The following TMTC1 variants were observed in gnomAD, a reference collection of about 807,000 sequenced individuals.
TMTC1 encodes the protein transmembrane O-mannosyltransferase targeting cadherins 1, also known as protein O-mannosyl-transferase TMTC1.
In TMTC1, 73 loss-of-function variants were observed where a neutral mutation model predicts 104.8. The observed-to-expected ratio is 0.70, with a 90% confidence interval of 0.58 to 0.85. The LOEUF (loss-of-function observed/expected upper bound fraction) is 0.85, where lower values mean the gene tolerates loss of function less well. TMTC1 is among the 40% of genes least tolerant of loss of function. The pLI is 0.00. For missense variants in TMTC1, 1,035 were observed against 1,096.1 expected, an observed-to-expected ratio of 0.94 and a Z score of 0.79; for synonymous variants, 434 against 428.7, an observed-to-expected ratio of 1.01 and a Z score of -0.15.
intron 1 of TMTC1, among the ~76,000 whole-genome samples, chr12:29,776,497 C>T (rs1409075445): frequency 6.6e-6 from 1 of 152,142 alleles, no homozygotes; most frequent in South Asian, 2.1e-4. Context: ...TGTAGCCTTA[C>T]CTTAGTATTT....
chr12:29,711,131 C>T (rs1269053132), intron 5 of TMTC1, among the ~76,000 whole-genome samples: 1 of 151,428 alleles, frequency 6.6e-6, no homozygotes, highest in African/African-American at 2.4e-5. Flanking sequence ...TATGGGCATG[C>T]ACCACCATGC....
chr12:29,665,168 A>AATTTTC (rs769766678), intron 5 of TMTC1, among the ~76,000 whole-genome samples: 62 of 152,336 alleles, frequency 4.1e-4, no homozygotes, highest in Non-Finnish European at 7.8e-4. Flanking sequence ...AAGAGAAAGG[A>AATTTTC]ATGTCAAGGG....
At chr12:29,672,257 G>C (rs1005185020) in intron 5 of TMTC1, among the ~76,000 whole-genome samples, 2 of 152,160 alleles carry the variant, frequency 1.3e-5, no homozygotes, top group African/African-American at 4.8e-5. Context: ...TCCTGCAGGA[G>C]TACACACAGA....
chr12:29,760,447 G>C (rs1340979813), intron 2 of TMTC1, among the ~76,000 whole-genome samples: 1 of 152,154 alleles, frequency 6.6e-6, no homozygotes, highest in Non-Finnish European at 1.5e-5. Flanking sequence ...CCTAGGGCAT[G>C]AAAGTTTTTG....
At chr12:29,575,562 C>T (rs1342532393) in intron 8 of TMTC1, among the ~76,000 whole-genome samples, 1 of 151,454 alleles carries the variant, frequency 6.6e-6, no homozygotes, top group East Asian at 2.0e-4. Flanking sequence ...AATCCACTGG[C>T]TGGGAGCTTG....
intron 5 of TMTC1, among the ~76,000 whole-genome samples, chr12:29,689,463 G>A (rs563514748): frequency 7.9e-5 from 12 of 152,068 alleles, no homozygotes; most frequent in East Asian, 3.9e-4. Flanking sequence ...ACAGGCGTGC[G>A]CCACCACACC....
chr12:29,666,228 CTTTT>C (rs751968439), intron 5 of TMTC1: 297 of 364,834 alleles, frequency 8.1e-4, no homozygotes, highest in Admixed American at 1.5e-3. Context: ...TTTCTTTTTT[CTTTT>C]TTTTTTTTTT....
rs571740262 is a variant in TMTC1 at position 29,503,215 on chromosome 12, A to G, written c.*3631T>C. 1.3e-5 allele frequency: 2 copies of G among 152,298 alleles called. No homozygotes were observed. The highest frequency in any genetic ancestry group is 1.9e-4 in the East Asian group (1 of 5,176). The allele number at this position is 152,298 out of a possible 1,614,324, so 9.4% of individuals were successfully genotyped here. A position where few individuals can be genotyped will look rare whatever the true frequency, so the allele number is the denominator to read the frequency against. ...AGGAGGTTGGAATTAAAGTGCGACA[A>G]TTCTCTTTGTTTTGTGATAGGCTTT... On this transcript the variant is annotated 3_prime_UTR_variant, in exon 18 of 18. Transcript: ENST00000539277.
intron 10 of TMTC1, among the ~76,000 whole-genome samples, chr12:29,538,548 T>C (rs1944707787): frequency 6.6e-6 from 1 of 151,546 alleles, no homozygotes; most frequent in South Asian, 2.1e-4. Flanking sequence ...AAAAAACCCA[T>C]AACATCTTCA....
intron 7 of TMTC1, among the ~76,000 whole-genome samples, chr12:29,584,200 G>A (rs117587106): frequency 6.6e-6 from 1 of 152,124 alleles, no homozygotes; most frequent in African/African-American, 2.4e-5. Flanking sequence ...GGTAGGTGCA[G>A]GGTTAACATG....
In TMTC1 at chr12:29,500,909, T is replaced by A. The variant is rs145446277; in HGVS notation, c.*5937A>T. ...TAATTTTGGAAAGACCTAGGCAAAGTATACATCATTAGACTCAATGGGAGA... is the reference window on the plus strand; with the variant it reads ...TAATTTTGGAAAGACCTAGGCAAAGAATACATCATTAGACTCAATGGGAGA... On this transcript the variant is annotated 3_prime_UTR_variant, in exon 18 of 18. Transcript: ENST00000539277. The A allele has an allele frequency of 1.3e-5, 2 of 152,692 alleles. No individual in the cohort carries two copies. The highest frequency in any genetic ancestry group is 3.9e-4 in the East Asian group (2 of 5,170). 9.5% of individuals were successfully genotyped at this position (152,692 alleles called of 1,614,324 possible).
Position 29,633,065 on chromosome 12 carries a change from A to C in TMTC1, c.1128+82T>G, listed in dbSNP as rs373318257. ...GAGAGGAGATTCAATTTACACCCAG[A>C]CCATCCGCACTAAAAAGAACATTAT... On this transcript the variant is annotated intron_variant, in intron 6 of 17. Transcript: ENST00000539277. 1.5e-5 allele frequency: 19 copies of C among 1,309,512 alleles called. No homozygotes were observed. In the East Asian group the frequency reaches 2.6e-4, roughly 18 times the overall value. The allele number at this position is 1,309,512 out of a possible 1,614,324, so 81.1% of individuals were successfully genotyped here. A position where few individuals can be genotyped will look rare whatever the true frequency, so the allele number is the denominator to read the frequency against.
At chr12:29,717,458 C>T (rs1942116461) in intron 5 of TMTC1, among the ~76,000 whole-genome samples, 1 of 152,296 alleles carries the variant, frequency 6.6e-6, no homozygotes, top group South Asian at 2.1e-4. Flanking sequence ...CAGTTGCAAC[C>T]TTATCATGGT....
At chr12:29,545,891 A>G (rs1198428527) in intron 10 of TMTC1, among the ~76,000 whole-genome samples, 1 of 152,184 alleles carries the variant, frequency 6.6e-6, no homozygotes, top group Non-Finnish European at 1.5e-5. Context: ...TATGTTGAGG[A>G]CTTACACGCA....
chr12:29,565,698 T>C (rs1196506314), intron 9 of TMTC1, among the ~76,000 whole-genome samples: 1 of 152,028 alleles, frequency 6.6e-6, no homozygotes, highest in Non-Finnish European at 1.5e-5. Context: ...AATTCCAAAA[T>C]TAGCCAGGTG....
At position 29,544,524 on chromosome 12, in the gene TMTC1, G is replaced by A. The variant is rs1430693210; in HGVS notation, c.1677-8207C>T. ...TTCCTCTCCTTTGTTTCTTTGGAAC[G>A]ACTCTTGGTGTCTATCGTCATCCAG... On this transcript the variant is annotated intron_variant, in intron 10 of 17. Transcript: ENST00000539277. 2.6e-5 allele frequency among the ~76,000 whole-genome samples: 4 copies of A among 152,118 alleles called. No individual in the cohort carries two copies. The East Asian group carries it at 7.7e-4, about 29-fold the overall frequency.
Position 29,758,789 on chromosome 12 carries a change from A to C in TMTC1, c.481-12T>G, listed in dbSNP as rs764744046. 1 of 1,586,060 alleles carries C rather than the reference A, an allele frequency of 6.3e-7. No homozygotes were observed. The highest frequency in any genetic ancestry group is 1.9e-5 in the Admixed American group (1 of 53,138). Reference sequence around the variant, plus strand: ...ACGATCCCAGCCACCTTGGAAGTTAAAATAATAAAAAATGAAACTTCAGAC... The same window carrying C: ...ACGATCCCAGCCACCTTGGAAGTTACAATAATAAAAAATGAAACTTCAGAC... On this transcript the variant is annotated splice_polypyrimidine_tract_variant and intron_variant, in intron 2 of 17. Transcript: ENST00000539277.
At chr12:29,616,270 A>G (rs992740948) in intron 6 of TMTC1, among the ~76,000 whole-genome samples, 1 of 152,200 alleles carries the variant, frequency 6.6e-6, no homozygotes, top group African/African-American at 2.4e-5. Flanking sequence ...AAATTAAGAA[A>G]AGTTCTCACT....
At chr12:29,767,859 T>TAA in intron 2 of TMTC1, 39 bp downstream of exon 2, 1 of 1,382,860 alleles carries the variant, frequency 7.2e-7, no homozygotes, top group Non-Finnish European at 1.0e-6. Context: ...CATACACACA[T>TAA]TCATATTCGT....
Sources: allele counts gnomAD v4.1 joint callset (sites outside exome capture counted in the v4.1 genomes callset), GRCh38; gene constraint gnomAD v4.1.1; transcripts MANE v1.5; gene names NCBI Gene and HGNC (gene_info 2026-07-23, HGNC 2026-07-21).